The following PRR5L variants were observed in gnomAD, a reference collection of about 807,000 sequenced individuals.
The protein encoded by PRR5L is proline-rich protein 5-like.
A neutral mutation model predicts 36.4 loss-of-function variants in PRR5L; 21 were observed. The ratio of observed to expected loss-of-function variants is 0.58; its 90% CI spans 0.41 to 0.83. PRR5L has a LOEUF of 0.83. PRR5L is among the 40% of genes least tolerant of loss of function. The pLI is 0.00. For missense variants in PRR5L, 381 were observed against 473.3 expected (o/e 0.80, Z 1.81); for synonymous variants, 188 against 197.0 (o/e 0.95, Z 0.38).
intron 1 of PRR5L, among the ~76,000 whole-genome samples, chr11:36,311,697 G>A (rs527652209): frequency 7.8e-4 from 118 of 152,216 alleles, no homozygotes; most frequent in Non-Finnish European, 1.5e-3. Flanking sequence ...TTCACACAGG[G>A]GCTTTTGCTG....
chr11:36,424,318 T>C (rs914934839), intron 4 of PRR5L, among the ~76,000 whole-genome samples: 1 of 152,224 alleles, frequency 6.6e-6, no homozygotes, highest in Non-Finnish European at 1.5e-5. Context: ...TTTCAAGCTC[T>C]ATGAGGACAG....
In PRR5L at chr11:36,462,967, G is replaced by C. The variant is rs1343013977; in HGVS notation, c.*231G>C. On this transcript the variant is annotated 3_prime_UTR_variant, in exon 9 of 9. Coordinates refer to ENST00000530639, the MANE Select transcript of PRR5L (RefSeq NM_001160167.2). ...CAATTGTAGTGACCAGTTGCCTAATGGTCACTTTCTGACTCCAGCCTTGCC... is the reference window on the plus strand; with the variant it reads ...CAATTGTAGTGACCAGTTGCCTAATCGTCACTTTCTGACTCCAGCCTTGCC... 3 of 427,552 alleles carry C rather than the reference G, an allele frequency of 7.0e-6. No homozygotes were observed. Among genetic ancestry groups the C allele is most frequent in the Non-Finnish European group, 1.2e-5 (3 of 244,338 alleles). The allele number at this position is 427,552 out of a possible 1,614,324, so 26.5% of individuals were successfully genotyped here.
intron 4 of PRR5L, among the ~76,000 whole-genome samples, chr11:36,429,260 T>C (rs1385186755): frequency 6.6e-6 from 1 of 152,204 alleles, no homozygotes; most frequent in Non-Finnish European, 1.5e-5. Context: ...TCTTTTATCT[T>C]GGCTTCTTAA....
intron 1 of PRR5L, among the ~76,000 whole-genome samples, chr11:36,353,165 G>A (rs1856992975): frequency 6.6e-6 from 1 of 152,140 alleles, no homozygotes; most frequent in Non-Finnish European, 1.5e-5. Flanking sequence ...ATGTTCGGCA[G>A]CATCCTTGCC....
Position 36,412,803 on chromosome 11 carries a change from T to A in PRR5L, c.246-6452T>A, listed in dbSNP as rs1858053894. On this transcript the variant is annotated intron_variant, in intron 3 of 8. Coordinates refer to ENST00000530639, the MANE Select transcript of PRR5L (RefSeq NM_001160167.2). ...CCTATAAGAGAGTGGCCCAGATCACTCTCTCATAGGGCCCAGGAGAAATCA... is the reference window on the plus strand; with the variant it reads ...CCTATAAGAGAGTGGCCCAGATCACACTCTCATAGGGCCCAGGAGAAATCA... Among the ~76,000 whole-genome samples, 3 of 152,150 alleles carry A rather than the reference T, an allele frequency of 2.0e-5. No homozygotes were observed. In the South Asian group the frequency reaches 6.2e-4, roughly 31 times the overall value.
At chr11:36,307,217 A>T (rs1416116248) in intron 1 of PRR5L, among the ~76,000 whole-genome samples, 1 of 152,186 alleles carries the variant, frequency 6.6e-6, no homozygotes, top group Non-Finnish European at 1.5e-5. Context: ...TACTAGACAC[A>T]ACAAGTTTGC....
At chr11:36,342,498 T>A (rs1342467496) in intron 1 of PRR5L, among the ~76,000 whole-genome samples, 2 of 152,070 alleles carry the variant, frequency 1.3e-5, no homozygotes, top group Non-Finnish European at 2.9e-5. Flanking sequence ...AAGACATGGG[T>A]GGTATTCCAC....
chr11:36,359,257 C>T (rs1857060113), intron 1 of PRR5L, among the ~76,000 whole-genome samples: 1 of 152,122 alleles, frequency 6.6e-6, no homozygotes, highest in Non-Finnish European at 1.5e-5. Context: ...GGATGTTCTG[C>T]CATTTTAGGT....
At chr11:36,386,585 C>T (rs769867968) in intron 1 of PRR5L, 8 of 152,242 alleles carry the variant, frequency 5.3e-5, no homozygotes, top group Non-Finnish European at 1.2e-4. Flanking sequence ...GATGTTTATG[C>T]AGGGAAGAAA....
rs1856847346 is a variant in PRR5L at position 36,344,631 on chromosome 11, GC to G, written c.-126+48194del. 6.6e-6 allele frequency among the ~76,000 whole-genome samples: 1 copy of G among 152,152 alleles called. No individual in the cohort carries two copies. Among genetic ancestry groups the G allele is most frequent in the Non-Finnish European group, 1.5e-5 (1 of 68,030 alleles). ...GGAAAGGGTATTACTGGGTCAAAGGGCAAGAACAGTTTAATGGACATTATGA... is the reference window on the plus strand; with the variant it reads ...GGAAAGGGTATTACTGGGTCAAAGGGAAGAACAGTTTAATGGACATTATGA... On this transcript the variant is annotated intron_variant, in intron 1 of 8. Coordinates refer to ENST00000530639, the MANE Select transcript of PRR5L (RefSeq NM_001160167.2). The surrounding 1 kb of genome is among the most constrained non-coding windows in gnomAD (Gnocchi z 4.1).
chr11:36,345,173 G>A (rs1856852299), intron 1 of PRR5L, among the ~76,000 whole-genome samples: 1 of 152,068 alleles, frequency 6.6e-6, no homozygotes, highest in African/African-American at 2.4e-5. Flanking sequence ...GTGGTTTGAG[G>A]GCTAGGAAGT....
intron 1 of PRR5L, among the ~76,000 whole-genome samples, chr11:36,298,881 G>A (rs1052597142): frequency 2.0e-5 from 3 of 152,166 alleles, no homozygotes; most frequent in Non-Finnish European, 2.9e-5. Context: ...TGCATTCCTG[G>A]TGTCTCTTGG....
At chr11:36,355,461 T>C (rs984825852) in intron 1 of PRR5L, among the ~76,000 whole-genome samples, 1 of 152,164 alleles carries the variant, frequency 6.6e-6, no homozygotes, top group Non-Finnish European at 1.5e-5. Context: ...GAGGCACAAC[T>C]TGCTTAAGGG....
chr11:36,417,347 G>T (rs1858166335), intron 3 of PRR5L, among the ~76,000 whole-genome samples: 1 of 152,180 alleles, frequency 6.6e-6, no homozygotes, highest in East Asian at 1.9e-4. Flanking sequence ...ACCTCTTCCT[G>T]TTTCAAAGCC....
rs147014774 is a variant in PRR5L at position 36,319,668 on chromosome 11, C to T, written c.-126+23230C>T. ...TACTTTGTAGATCCCTCATCTAAGA[C>T]GACACTAAATTTCCTTTTTTTTTTT... On this transcript the variant is annotated intron_variant, in intron 1 of 8. Transcript: ENST00000530639. Among the ~76,000 whole-genome samples the T allele has an allele frequency of 6.7e-3, 920 of 136,702 alleles. 11 individuals are homozygous for T. The highest frequency in any genetic ancestry group is 0.024 in the African/African-American group (867 of 35,814). The allele number at this position is 136,702 out of a possible 152,430, so 89.7% of individuals were successfully genotyped here.
chr11:36,454,916 G>C (rs574794948), intron 8 of PRR5L: 1 of 152,430 alleles, frequency 6.6e-6, no homozygotes, highest in African/African-American at 2.4e-5. Flanking sequence ...TGCTGAGGGA[G>C]GAGGAAGAGG....
chr11:36,361,228 T>C (rs1857084390), intron 1 of PRR5L, among the ~76,000 whole-genome samples: 1 of 152,182 alleles, frequency 6.6e-6, no homozygotes, highest in Non-Finnish European at 1.5e-5. Context: ...GCATTGGTAT[T>C]GCAACAGACT....
At chr11:36,378,880 C>CT (rs1422395179) in intron 1 of PRR5L, among the ~76,000 whole-genome samples, 6 of 152,174 alleles carry the variant, frequency 3.9e-5, no homozygotes, top group Non-Finnish European at 8.8e-5. Flanking sequence ...TTGTCTAAAG[C>CT]CATACACACA....
At chr11:36,423,245 G>A (rs1858309443) in intron 4 of PRR5L, among the ~76,000 whole-genome samples, 1 of 152,184 alleles carries the variant, frequency 6.6e-6, no homozygotes, top group Admixed American at 6.5e-5. Flanking sequence ...TTGTGTGCAT[G>A]TATGTGTACG....
Sources: gnomAD v4.1 joint callset for allele counts (sites outside exome capture counted in the v4.1 genomes callset) on GRCh38, gnomAD v4.1.1 for gene constraint, Gnocchi (gnomAD v3.1) non-coding constraint, MANE v1.5 for transcripts, NCBI Gene and HGNC (gene_info 2026-07-23, HGNC 2026-07-21) for gene names.